Variants in PACS1 observed in about 807,000 individuals in gnomAD.
The protein encoded by PACS1 is PACS-1.
Under a neutral mutation model 115.0 loss-of-function variants are expected in PACS1, and 24 were observed. The observed-to-expected ratio is 0.21, with a 90% CI of 0.15 to 0.29. PACS1 has a LOEUF of 0.29. Ranked by LOEUF, PACS1 falls within the 10% of genes least tolerant of loss-of-function variation. PACS1 has a pLI of 1.00. For missense variants in PACS1, 838 were observed against 1,251.2 expected (o/e 0.67, Z 4.98); for synonymous variants, 453 against 504.5 (o/e 0.90, Z 1.37).
rs768738503 is a variant in PACS1, at chr11:66,230,806, A to G, written c.1492A>G (p.Lys498Glu). ...AGCCTTTTTCCACCTCCCTGGCAGC[A>G]AAGTGGAGGGGGTGCACACACCCCG... ...TDLQGSASPS[K>E]VEGVHTPRQK... The change falls in exon 13 of 24, where the codon AAA becomes GAA. Residue 498 changes from lysine to glutamate, a missense_variant and splice_region_variant. This residue lies in a region of PACS1 where 383 missense variants were observed against 537.0 expected (regional missense o/e 0.71). Transcript: ENST00000320580. 6.2e-7 allele frequency: 1 copy of G among 1,614,130 alleles called. No homozygotes were observed. Among genetic ancestry groups the G allele is most frequent in the South Asian group, 1.1e-5 (1 of 91,092 alleles).
intron 1 of PACS1, among the ~76,000 whole-genome samples, chr11:66,147,401 G>C (rs1859152094): frequency 6.6e-6 from 1 of 151,920 alleles, no homozygotes; most frequent in Admixed American, 6.6e-5. Flanking sequence ...AGATCCACAA[G>C]ACTAAAGGAA....
chr11:66,119,069 A>T (rs1383869492), intron 1 of PACS1, among the ~76,000 whole-genome samples: 1 of 152,154 alleles, frequency 6.6e-6, no homozygotes, highest in Non-Finnish European at 1.5e-5. Context: ...GGCTTCCTGA[A>T]CCAGTGGCAC....
At chr11:66,141,886 G>A (rs1351377658) in intron 1 of PACS1, among the ~76,000 whole-genome samples, 26 of 151,652 alleles carry the variant, frequency 1.7e-4, no homozygotes, top group Admixed American at 1.6e-3. Flanking sequence ...GCTCACGGCA[G>A]CCTCTGTCTC....
chr11:66,136,123 A>G (rs1858837676), intron 1 of PACS1, among the ~76,000 whole-genome samples: 2 of 152,174 alleles, frequency 1.3e-5, no homozygotes, highest in African/African-American at 4.8e-5. Context: ...AGTACGTCCT[A>G]CGGGTTATGT....
At chr11:66,152,877 C>G (rs1859272774) in intron 1 of PACS1, among the ~76,000 whole-genome samples, 1 of 152,134 alleles carries the variant, frequency 6.6e-6, no homozygotes, top group African/African-American at 2.4e-5. Flanking sequence ...CCCTGTCAAC[C>G]AAGAATCCAG....
intron 21 of PACS1, chr11:66,240,881 C>A (rs72936679): frequency 0.047 from 7,111 of 152,476 alleles, 229 homozygotes; most frequent in Non-Finnish European, 0.068. Context: ...CCTTTCAAGA[C>A]ATACCAGCCC....
intron 1 of PACS1, among the ~76,000 whole-genome samples, chr11:66,085,292 A>G (rs1857546694): frequency 6.6e-6 from 1 of 152,290 alleles, no homozygotes; most frequent in East Asian, 1.9e-4. Flanking sequence ...CCTGCTGCAG[A>G]ATGATCTAAT....
intron 1 of PACS1, among the ~76,000 whole-genome samples, chr11:66,107,607 G>C (rs1858079775): frequency 6.6e-6 from 1 of 152,304 alleles, no homozygotes; most frequent in East Asian, 1.9e-4. Flanking sequence ...CTGGGACACT[G>C]AGTTTCACCC....
At chr11:66,148,263 T>A (rs1859168050) in intron 1 of PACS1, among the ~76,000 whole-genome samples, 1 of 152,198 alleles carries the variant, frequency 6.6e-6, no homozygotes, top group African/African-American at 2.4e-5. Context: ...CAAGTGATCC[T>A]CTCAGCTTAG....
chr11:66,241,408 CTTTG>C lies in PACS1; in HGVS notation c.2430-16_2430-13del, dbSNP rs1269496568. The C allele has an allele frequency of 1.3e-6, 2 of 1,556,570 alleles. No homozygotes were observed. The highest frequency in any genetic ancestry group is 2.7e-5 in the African/African-American group (2 of 73,834). On this transcript the variant is annotated splice_polypyrimidine_tract_variant and intron_variant, in intron 21 of 23. Coordinates refer to ENST00000320580, the MANE Select transcript of PACS1 (RefSeq NM_018026.4). ...GCTGAAGGCAGAGCTGACCTCTCCT[CTTTG>C]TTCCCTTTCCTCAGGAGCCCTAATA...
intron 2 of PACS1, among the ~76,000 whole-genome samples, chr11:66,196,365 C>A (rs1854650306): frequency 6.6e-6 from 1 of 152,256 alleles, no homozygotes; most frequent in South Asian, 2.1e-4. Flanking sequence ...CTGAGCACTT[C>A]TGCCTTGCAG....
At chr11:66,086,449 T>C (rs1396747268) in intron 1 of PACS1, among the ~76,000 whole-genome samples, 2 of 152,084 alleles carry the variant, frequency 1.3e-5, no homozygotes, top group East Asian at 3.9e-4. Context: ...GTAAGATCTC[T>C]TTAGGTCTAG....
At chr11:66,226,003 C>G (rs1434817317) in intron 10 of PACS1, among the ~76,000 whole-genome samples, 1 of 152,124 alleles carries the variant, frequency 6.6e-6, no homozygotes, top group African/African-American at 2.4e-5. Flanking sequence ...TAAAAGCTGT[C>G]TCTACCAAAA....
chr11:66,092,851 C>A (rs1390466818), intron 1 of PACS1, among the ~76,000 whole-genome samples: 1 of 152,154 alleles, frequency 6.6e-6, no homozygotes, highest in African/African-American at 2.4e-5. Context: ...GGCGTTATTT[C>A]TGAGGGCTCT....
intron 1 of PACS1, among the ~76,000 whole-genome samples, chr11:66,132,959 C>T (rs1858736803): frequency 1.3e-5 from 2 of 152,188 alleles, no homozygotes; most frequent in African/African-American, 4.8e-5. Flanking sequence ...TGAGCCATGG[C>T]ACCTGGCTTT....
intron 1 of PACS1, among the ~76,000 whole-genome samples, chr11:66,165,227 A>G (rs115187408): frequency 6.6e-6 from 1 of 152,196 alleles, no homozygotes; most frequent in African/African-American, 2.4e-5. Flanking sequence ...CATCTGACAC[A>G]TCTTCTGGAC....
chr11:66,215,902 AAAT>A lies in PACS1; in HGVS notation c.661-169_661-167del, dbSNP rs71461611. On this transcript the variant is annotated intron_variant, in intron 4 of 23. Transcript: ENST00000320580. ...GCGACAGTGAGAGACTCCGTCTCAA[AAAT>A]AATAATAATAATAATAATAATAATA... 0.49 allele frequency among the ~76,000 whole-genome samples: 66,391 copies of A among 136,380 alleles called. 16,462 individuals are homozygous for A. The highest frequency in any genetic ancestry group is 0.55 in the Non-Finnish European group (35,169 of 63,676). 89.5% of individuals were successfully genotyped at this position (136,380 alleles called of 152,430 possible).
intron 4 of PACS1, among the ~76,000 whole-genome samples, chr11:66,214,619 T>TC (rs1277077223): frequency 5.5e-3 from 218 of 39,732 alleles, no homozygotes; most frequent in African/African-American, 0.014. Flanking sequence ...CTTTTTCTTT[T>TC]CTTTTTTTTT....
intron 1 of PACS1, among the ~76,000 whole-genome samples, chr11:66,109,315 A>T (rs1230385646): frequency 1.3e-5 from 2 of 152,084 alleles, no homozygotes; most frequent in African/African-American, 4.8e-5. Context: ...TAATCCCAGT[A>T]CTTTGAGAGG....
Sources: allele counts gnomAD v4.1 joint callset (sites outside exome capture counted in the v4.1 genomes callset), GRCh38; gene constraint gnomAD v4.1.1; regional missense constraint gnomAD v4.1.1; transcripts MANE v1.5; gene names NCBI Gene and HGNC (gene_info 2026-07-23, HGNC 2026-07-21).